Variants in DYRK1A observed in about 807,000 individuals in gnomAD.
DYRK1A encodes dual specificity tyrosine phosphorylation regulated kinase 1A.
Under a neutral mutation model 79.7 loss-of-function variants are expected in DYRK1A, and 9 were observed. The observed-to-expected ratio is 0.11, with a 90% CI of 0.07 to 0.20. The LOEUF (loss-of-function observed/expected upper bound fraction) is 0.20. Ranked by LOEUF, DYRK1A falls within the 10% of genes least tolerant of loss-of-function variation. DYRK1A has a pLI of 1.00. For missense variants in DYRK1A, 622 were observed against 956.0 expected (o/e 0.65, Z 4.61); for synonymous variants, 349 against 329.7 (o/e 1.06, Z -0.63).
intron 6 of DYRK1A, chr21:37,488,282 C>A: frequency 1.1e-6 from 1 of 939,890 alleles, no homozygotes; most frequent in Non-Finnish European, 1.3e-6. Flanking sequence ...AACTGAGATT[C>A]TGTTTGGAAA....
intron 11 of DYRK1A, among the ~76,000 whole-genome samples, chr21:37,511,066 A>G (rs1179103155): frequency 6.6e-6 from 1 of 152,198 alleles, no homozygotes; most frequent in Non-Finnish European, 1.5e-5. Flanking sequence ...AGAAGGGAGC[A>G]GCGTGTTACT....
At chr21:37,389,472 A>G (rs2049828712) in intron 1 of DYRK1A, among the ~76,000 whole-genome samples, 1 of 152,122 alleles carries the variant, frequency 6.6e-6, no homozygotes, top group African/African-American at 2.4e-5. Context: ...CCTTAAAAGA[A>G]TATTTCTGAT....
chr21:37,480,920 A>C, intron 5 of DYRK1A, 94 bp downstream of exon 5: 1 of 1,002,052 alleles, frequency 1.0e-6, no homozygotes, highest in Non-Finnish European at 1.4e-6. Context: ...TGTACTTTTA[A>C]TATTTGCAAA....
chr21:37,435,991 GA>G (rs79181422), intron 2 of DYRK1A, among the ~76,000 whole-genome samples: 3 of 150,930 alleles, frequency 2.0e-5, no homozygotes, highest in African/African-American at 4.9e-5. Context: ...AGGTTCTGCA[GA>G]AAAAAAAATC....
chr21:37,411,375 C>G (rs537466295), intron 1 of DYRK1A, among the ~76,000 whole-genome samples: 1 of 147,882 alleles, frequency 6.8e-6, no homozygotes, highest in Non-Finnish European at 1.5e-5. Flanking sequence ...CCCCTCCCCC[C>G]CAAAAAATGA....
chr21:37,433,976 T>C (rs1190040263), intron 2 of DYRK1A, among the ~76,000 whole-genome samples: 1 of 152,212 alleles, frequency 6.6e-6, no homozygotes, highest in Non-Finnish European at 1.5e-5. Flanking sequence ...TTTCTGACTT[T>C]TAGAACCTGA....
At chr21:37,370,215 C>T (rs989506954) in intron 1 of DYRK1A, among the ~76,000 whole-genome samples, 3 of 151,840 alleles carry the variant, frequency 2.0e-5, no homozygotes, top group Non-Finnish European at 2.9e-5. Flanking sequence ...TATACAGTGA[C>T]CTTTGGCATG....
At chr21:37,431,612 G>C (rs1012946865) in intron 2 of DYRK1A, among the ~76,000 whole-genome samples, 1 of 152,194 alleles carries the variant, frequency 6.6e-6, no homozygotes, top group Non-Finnish European at 1.5e-5. Flanking sequence ...GGCTTCAGCT[G>C]CTTTGAGGAT....
At chr21:37,468,312 T>G (rs564268934) in intron 2 of DYRK1A, among the ~76,000 whole-genome samples, 6 of 151,896 alleles carry the variant, frequency 4.0e-5, no homozygotes, top group Non-Finnish European at 8.8e-5. Flanking sequence ...TGGTGGTGTG[T>G]TTCCCAGGCT....
At chr21:37,384,517 A>G (rs925847649) in intron 1 of DYRK1A, among the ~76,000 whole-genome samples, 2 of 152,068 alleles carry the variant, frequency 1.3e-5, no homozygotes, top group Non-Finnish European at 2.9e-5. Flanking sequence ...CCTTCAAAGA[A>G]GCAAACTAAT....
intron 2 of DYRK1A, among the ~76,000 whole-genome samples, chr21:37,426,086 A>G (rs1017536606): frequency 6.6e-6 from 1 of 152,204 alleles, no homozygotes; most frequent in Non-Finnish European, 1.5e-5. Flanking sequence ...CACCAAGGAG[A>G]CACTGCTGGG....
At chr21:37,475,832 T>C (rs8132830) in intron 3 of DYRK1A, among the ~76,000 whole-genome samples, 144 of 152,230 alleles carry the variant, frequency 9.5e-4, no homozygotes, top group African/African-American at 2.6e-3. Flanking sequence ...TGGTGTTTTT[T>C]AGTGAGCATC....
At chr21:37,417,348 G>T (rs555787714) in intron 1 of DYRK1A, among the ~76,000 whole-genome samples, 4 of 151,680 alleles carry the variant, frequency 2.6e-5, no homozygotes, top group African/African-American at 9.7e-5. Flanking sequence ...GCGCCACCAC[G>T]CCCAGCTAAT....
At position 37,514,509 on chromosome 21, in the gene DYRK1A, G is replaced by C. The variant is rs17814764; in HGVS notation, c.*1978G>C. ...TTCATTCTATTGGTCAATTCCATGTGGCTGACTAGGTCAATTTTTTTTCTG... is the reference window on the plus strand; with the variant it reads ...TTCATTCTATTGGTCAATTCCATGTCGCTGACTAGGTCAATTTTTTTTCTG... On this transcript the variant is annotated 3_prime_UTR_variant, in exon 12 of 12. Transcript: ENST00000647188. 6.6e-6 allele frequency: 1 copy of C among 152,536 alleles called. No homozygotes were observed. The allele number at this position is 152,536 out of a possible 1,614,324, so 9.4% of individuals were successfully genotyped here.
intron 2 of DYRK1A, among the ~76,000 whole-genome samples, chr21:37,468,100 G>T (rs1203712543): frequency 6.6e-6 from 1 of 152,092 alleles, no homozygotes; most frequent in East Asian, 1.9e-4. Flanking sequence ...ACATGGAATA[G>T]CCAAACTTAC....
At chr21:37,476,147 C>G (rs765429629) in intron 3 of DYRK1A, among the ~76,000 whole-genome samples, 1 of 152,106 alleles carries the variant, frequency 6.6e-6, no homozygotes, top group African/African-American at 2.4e-5. Context: ...AGCTGCACTA[C>G]GATAATATTT....
chr21:37,504,191 G>A (rs1243203737), intron 9 of DYRK1A: 2 of 152,218 alleles, frequency 1.3e-5, no homozygotes, highest in Non-Finnish European at 2.9e-5. Context: ...CAGTGTTTGT[G>A]TCTTTAGAAT....
intron 1 of DYRK1A, among the ~76,000 whole-genome samples, chr21:37,377,006 T>C (rs1222837668): frequency 6.6e-6 from 1 of 152,254 alleles, no homozygotes; most frequent in Non-Finnish European, 1.5e-5. Context: ...CCATTATTTT[T>C]AAGTGCATAG....
intron 10 of DYRK1A, 133 bp from the exon 11 acceptor site, chr21:37,505,966 C>A (rs1000046182): frequency 3.5e-6 from 4 of 1,144,810 alleles, no homozygotes; most frequent in African/African-American, 1.6e-5. Flanking sequence ...GATATACTTT[C>A]AAGTTAATAT....
Sources: allele counts gnomAD v4.1 joint callset (sites outside exome capture counted in the v4.1 genomes callset), GRCh38; gene constraint gnomAD v4.1.1; transcripts MANE v1.5; gene names NCBI Gene and HGNC (gene_info 2026-07-23, HGNC 2026-07-21).